KLF13: variants seen among roughly 807,000 people sequenced by gnomAD.
KLF13 encodes the protein KLF transcription factor 13.
KLF13 carries 8 observed loss-of-function variants against 16.7 expected under a neutral mutation model. The ratio of observed to expected loss-of-function variants is 0.48; its 90% CI spans 0.28 to 0.87. The LOEUF (loss-of-function observed/expected upper bound fraction) is 0.87, where lower values mean the gene tolerates loss of function less well. KLF13 is among the 40% of genes least tolerant of loss of function. The probability of loss-of-function intolerance (pLI) is 0.10; values close to 1 mark genes in which losing one functional copy is unlikely to be tolerated. For missense variants in KLF13, 447 were observed against 452.2 expected, an observed-to-expected ratio of 0.99 and a Z score of 0.10; for synonymous variants, 245 against 208.4, an observed-to-expected ratio of 1.18 and a Z score of -1.51.
intron 1 of KLF13, among the ~76,000 whole-genome samples, chr15:31,329,307 C>A (rs765558760): frequency 3.7e-4 from 48 of 128,410 alleles, no homozygotes; most frequent in Non-Finnish European, 6.3e-4. Context: ...CAGCTCGGCT[C>A]CAGGTGGATC....
intron 1 of KLF13, among the ~76,000 whole-genome samples, chr15:31,331,794 C>T (rs868081587): frequency 2.6e-5 from 4 of 152,198 alleles, no homozygotes; most frequent in Admixed American, 6.5e-5. Flanking sequence ...CCACTGTTAC[C>T]CCGCGTTGGT....
intron 2 of KLF13, among the ~76,000 whole-genome samples, chr15:31,402,628 G>A (rs1372567831): frequency 2.0e-5 from 3 of 152,316 alleles, no homozygotes; most frequent in Admixed American, 2.0e-4. Flanking sequence ...CCATCCCACC[G>A]CCAGGAGCGG....
At chr15:31,337,633 A>G (rs2038952957) in intron 1 of KLF13, among the ~76,000 whole-genome samples, 1 of 152,228 alleles carries the variant, frequency 6.6e-6, no homozygotes, top group Admixed American at 6.5e-5. Context: ...TCTTGCTTCT[A>G]GGCTGCAAGC....
chr15:31,425,542 A>G (rs1026477577), intron 1 of KLF13, among the ~76,000 whole-genome samples: 1 of 152,212 alleles, frequency 6.6e-6, no homozygotes, highest in Non-Finnish European at 1.5e-5. Context: ...GAATAGTACC[A>G]ATGCCAGTGT....
chr15:31,335,826 G>A (rs1392305403), intron 1 of KLF13, among the ~76,000 whole-genome samples: 3 of 152,170 alleles, frequency 2.0e-5, no homozygotes, highest in African/African-American at 7.2e-5. Flanking sequence ...CCAGGCACAG[G>A]GCACAGGCTC....
chr15:31,428,146 T>C (rs932500306), intron 1 of KLF13, among the ~76,000 whole-genome samples: 1 of 152,132 alleles, frequency 6.6e-6, no homozygotes. Flanking sequence ...TCTACTTATA[T>C]AGGGGTATCT....
intron 1 of KLF13, among the ~76,000 whole-genome samples, chr15:31,415,972 G>T (rs1368780047): frequency 6.6e-6 from 1 of 151,882 alleles, no homozygotes; most frequent in African/African-American, 2.4e-5. Context: ...CTAGAATCAG[G>T]AATAAAAGAG....
At chr15:31,345,003 TG>T (rs1324234449) in intron 1 of KLF13, among the ~76,000 whole-genome samples, 1 of 152,126 alleles carries the variant, frequency 6.6e-6, no homozygotes, top group Non-Finnish European at 1.5e-5. Context: ...TGTTGCAGTT[TG>T]GGGCAGGTGC....
At chr15:31,417,340 C>T (rs1454414874) in intron 1 of KLF13, among the ~76,000 whole-genome samples, 3 of 151,776 alleles carry the variant, frequency 2.0e-5, no homozygotes, top group East Asian at 2.0e-4. Context: ...ACTAAAAATA[C>T]AAAAATTAGC....
intron 1 of KLF13, among the ~76,000 whole-genome samples, chr15:31,351,512 T>A (rs1341545183): frequency 1.3e-5 from 2 of 152,190 alleles, no homozygotes; most frequent in Non-Finnish European, 2.9e-5. Context: ...CACTGAGAGC[T>A]CCAGTGATTG....
chr15:31,360,944 C>G (rs898928584), intron 1 of KLF13, among the ~76,000 whole-genome samples: 2 of 152,148 alleles, frequency 1.3e-5, no homozygotes, highest in Non-Finnish European at 2.9e-5. Context: ...AGGAGCCTGC[C>G]GAGGCTCCTC....
At chr15:31,364,534 T>C (rs538316249) in intron 1 of KLF13, among the ~76,000 whole-genome samples, 1 of 152,364 alleles carries the variant, frequency 6.6e-6, no homozygotes, top group East Asian at 1.9e-4. Context: ...GATAACATTG[T>C]TATCTCCTCC....
intron 1 of KLF13, among the ~76,000 whole-genome samples, chr15:31,354,049 G>T (rs1393095986): frequency 6.6e-6 from 1 of 152,236 alleles, no homozygotes; most frequent in Non-Finnish European, 1.5e-5. Context: ...GCCAGGCCCT[G>T]GATACAGCGT....
chr15:31,334,887 C>T (rs1001224642), intron 1 of KLF13, among the ~76,000 whole-genome samples: 9 of 152,170 alleles, frequency 5.9e-5, no homozygotes, highest in African/African-American at 1.2e-4. Context: ...GTGCAGTCCT[C>T]GGGGTGGGAG....
At chr15:31,424,178 A>G (rs2040376038) in intron 1 of KLF13, among the ~76,000 whole-genome samples, 1 of 152,152 alleles carries the variant, frequency 6.6e-6, no homozygotes, top group African/African-American at 2.4e-5. Flanking sequence ...AATTAATATA[A>G]ATTATTTGCA....
At chr15:31,433,697 C>T (rs931314989) in intron 1 of KLF13, among the ~76,000 whole-genome samples, 3 of 151,756 alleles carry the variant, frequency 2.0e-5, no homozygotes, top group African/African-American at 7.3e-5. Context: ...TCAAAGATAC[C>T]TCTGCCCTGA....
chr15:31,391,886 C>T (rs986106193), upstream of KLF13, among the ~76,000 whole-genome samples: 1 of 152,056 alleles, frequency 6.6e-6, no homozygotes, highest in African/African-American at 2.4e-5. Flanking sequence ...ACTGCCGGCC[C>T]GGGGGAGGAT....
chr15:31,426,671 A>G (rs946300577), intron 1 of KLF13, among the ~76,000 whole-genome samples: 99 of 152,198 alleles, frequency 6.5e-4, no homozygotes, highest in African/African-American at 2.2e-3. Flanking sequence ...TTCTCCAAAT[A>G]AAATATATGT....
rs2039618627 is a variant in KLF13, at chr15:31,374,877, G to A, written c.*2578G>A. On this transcript the variant is annotated 3_prime_UTR_variant, in exon 2 of 2. Transcript: ENST00000307145. ...GGCGGGGGGTGGGGGAGGGAAGCGG[G>A]TGTTGGCTGTTTCCAAAGAGAGCAC... is the stretch of plus-strand genomic sequence containing the variant. The A allele has an allele frequency of 6.6e-6, 1 of 151,410 alleles. No individual in the cohort carries two copies. The highest frequency in any genetic ancestry group is 1.5e-5 in the Non-Finnish European group (1 of 67,782). 9.4% of individuals were successfully genotyped at this position (151,410 alleles called of 1,614,324 possible).
Sources: allele counts gnomAD v4.1 joint callset (sites outside exome capture counted in the v4.1 genomes callset), GRCh38; gene constraint gnomAD v4.1.1; transcripts MANE v1.5; gene names NCBI Gene and HGNC (gene_info 2026-07-23, HGNC 2026-07-21).